ZNF624: variants seen among roughly 807,000 people sequenced by gnomAD.
The protein encoded by ZNF624 is zinc finger protein 624.
ZNF624 carries 43 observed loss-of-function variants against 74.7 expected under a neutral mutation model. The observed-to-expected ratio is 0.58, with a 90% confidence interval of 0.45 to 0.74. The LOEUF (loss-of-function observed/expected upper bound fraction) is 0.74. Among genes scored for constraint, ZNF624 ranks in the 30% least tolerant of loss-of-function variants. The pLI is 0.00. For synonymous variants in ZNF624, 331 were observed against 341.3 expected, an observed-to-expected ratio of 0.97 and a Z score of 0.33; for missense variants, 820 against 1,030.0, an observed-to-expected ratio of 0.80 and a Z score of 2.79.
intron 1 of ZNF624, among the ~76,000 whole-genome samples, chr17:16,652,909 C>T (rs1256543111): frequency 6.6e-6 from 1 of 152,218 alleles, no homozygotes; most frequent in Non-Finnish European, 1.5e-5. Flanking sequence ...TGACAGTAGC[C>T]ACCTTATATG....
At position 16,639,968 on chromosome 17, in the gene ZNF624, G is replaced by A. The variant is rs1373999386; in HGVS notation, c.154-5212C>T. Among the ~76,000 whole-genome samples the A allele has an allele frequency of 3.3e-5, 5 of 152,138 alleles. No individual in the cohort carries two copies. The East Asian group carries it at 7.7e-4, about 23-fold the overall frequency. Reference sequence around the variant, plus strand: ...TAAAGCATCAATGGAAATTACCTCCGAGGAAGTCAAGACATTGTACTTATT... The same window carrying A: ...TAAAGCATCAATGGAAATTACCTCCAAGGAAGTCAAGACATTGTACTTATT... On this transcript the variant is annotated intron_variant, in intron 3 of 5. Coordinates refer to ENST00000311331, the MANE Select transcript of ZNF624 (RefSeq NM_020787.4).
downstream of ZNF624, chr17:16,617,189 C>T (rs1429178999): frequency 6.2e-7 from 1 of 1,612,532 alleles, no homozygotes; most frequent in Admixed American, 1.7e-5. Context: ...CGTGATCGAC[C>T]TTTGCTCCGC....
At chr17:16,651,383 T>C (rs894674170) in intron 1 of ZNF624, among the ~76,000 whole-genome samples, 1 of 150,826 alleles carries the variant, frequency 6.6e-6, no homozygotes, top group African/African-American at 2.4e-5. Context: ...TGAGCAGAGA[T>C]TGTGTCACTG....
downstream of ZNF624, among the ~76,000 whole-genome samples, chr17:16,620,487 C>T (rs1398373184): frequency 2.0e-5 from 3 of 152,168 alleles, no homozygotes; most frequent in Non-Finnish European, 2.9e-5. Flanking sequence ...TGGTCTACAG[C>T]CTGGGCACAA....
intron 3 of ZNF624, among the ~76,000 whole-genome samples, chr17:16,641,975 A>G (rs1011320123): frequency 1.4e-4 from 22 of 152,252 alleles, no homozygotes; most frequent in African/African-American, 2.7e-4. Flanking sequence ...ACTGAAAACT[A>G]TAAAACTACA....
Position 16,624,370 on chromosome 17 carries a change from A to G in ZNF624, c.516T>C (p.Asn172=). 2.5e-6 allele frequency: 4 copies of G among 1,613,992 alleles called. No individual in the cohort carries two copies. Among genetic ancestry groups the G allele is most frequent in the Non-Finnish European group, 3.4e-6 (4 of 1,179,978 alleles). The change falls in exon 6 of 6, where the codon AAT becomes AAC. Residue 172 remains asparagine (N), a synonymous_variant. Transcript: ENST00000311331. ...DSRMEGLWKW[N]DRILRLQNNQ... is the part of the protein sequence containing the mutation. ...TATTTTGTAATCTCAATATCCTATCATTCCATTTCCATAACCCTTCCATTC... is the reference window on the plus strand; with the variant it reads ...TATTTTGTAATCTCAATATCCTATCGTTCCATTTCCATAACCCTTCCATTC...
rs747045441 is a variant in ZNF624, at chr17:16,623,175, GAGA to G, written c.1708_1710del (p.Ser570del). On this transcript the variant is annotated inframe_deletion, in exon 6 of 6. Coordinates refer to ENST00000311331, the MANE Select transcript of ZNF624 (RefSeq NM_020787.4). This position sits in a 1 kb window ranked among gnomAD's most constrained non-coding sequence, Gnocchi z 5.3. ...GTATGAATACGCTGATGTATAATTA[GAGA>G]AGAAGAACGCATGAAGGCCTTTCCA... 11 of 1,613,698 alleles carry G rather than the reference GAGA, an allele frequency of 6.8e-6. No individual in the cohort carries two copies. Among genetic ancestry groups the G allele is most frequent in the Middle Eastern group, 1.6e-4 (1 of 6,084 alleles).
At chr17:16,620,666 C>T (rs1908886463), downstream of ZNF624, 1 of 152,232 alleles carries the variant, frequency 6.6e-6, no homozygotes, top group Non-Finnish European at 1.5e-5. Context: ...CTCTCCCCCT[C>T]ATTGTATATC....
At chr17:16,640,753 G>A (rs1461708618) in intron 3 of ZNF624, among the ~76,000 whole-genome samples, 1 of 152,108 alleles carries the variant, frequency 6.6e-6, no homozygotes, top group East Asian at 1.9e-4. Flanking sequence ...AAAAGCCTAG[G>A]TTCAAATGGT....
intron 3 of ZNF624, among the ~76,000 whole-genome samples, chr17:16,645,349 T>G (rs1449354056): frequency 1.3e-5 from 2 of 152,100 alleles, no homozygotes; most frequent in African/African-American, 2.4e-5. Flanking sequence ...AAAGGCTTAT[T>G]ATCTCCTCTT....
downstream of ZNF624, chr17:16,617,206 G>C (rs925325694): frequency 8.1e-6 from 13 of 1,612,528 alleles, no homozygotes; most frequent in African/African-American, 1.7e-4. Flanking sequence ...CCGCGACCTG[G>C]AACGGGAGCG....
chr17:16,630,539 G>A (rs566957358), intron 5 of ZNF624, among the ~76,000 whole-genome samples: 42 of 152,116 alleles, frequency 2.8e-4, no homozygotes, highest in African/African-American at 7.7e-4. Context: ...CCTGGGCGAC[G>A]AGAGTGAAAC....
chr17:16,631,523 C>T (rs779993784), intron 5 of ZNF624: 3 of 151,854 alleles, frequency 2.0e-5, no homozygotes, highest in Non-Finnish European at 4.4e-5. Flanking sequence ...CCCAGGAGTT[C>T]GAGAACAGCT....
chr17:16,641,932 G>A (rs1031502939), intron 3 of ZNF624, among the ~76,000 whole-genome samples: 6 of 152,124 alleles, frequency 3.9e-5, no homozygotes, highest in African/African-American at 1.4e-4. Context: ...ACACAGGAAT[G>A]AAGTTTTAAC....
At chr17:16,635,626 G>T (rs772837951) in intron 3 of ZNF624, among the ~76,000 whole-genome samples, 1 of 151,994 alleles carries the variant, frequency 6.6e-6, no homozygotes, top group Non-Finnish European at 1.5e-5. Context: ...AAAAATAACT[G>T]CAAAATAAAA....
chr17:16,629,892 T>C (rs976311735), intron 5 of ZNF624, among the ~76,000 whole-genome samples: 4 of 152,180 alleles, frequency 2.6e-5, no homozygotes, highest in Non-Finnish European at 5.9e-5. Context: ...TTGAAAAATA[T>C]ATTAAAAGAA....
intron 3 of ZNF624, among the ~76,000 whole-genome samples, chr17:16,638,533 T>TA (rs902397360): frequency 6.6e-6 from 1 of 152,050 alleles, no homozygotes; most frequent in African/African-American, 2.4e-5. Context: ...TATGCAGCCA[T>TA]AAAAAATGAA....
At chr17:16,649,796 A>G in intron 1 of ZNF624, 50 bp from the exon 2 acceptor site, 1 of 1,472,094 alleles carries the variant, frequency 6.8e-7, no homozygotes, top group Non-Finnish European at 9.5e-7. Flanking sequence ...GGGGAATTTC[A>G]GACTCACCAA....
chr17:16,623,848 TG>T lies in ZNF624; in HGVS notation c.1037del (p.Ser346TyrfsTer146). ...TGTGAATTCTCTGATGTACCATAAG[TG>T]ATGAAGAAGCAATGAAGGCCTTTCC... is the stretch of plus-strand genomic sequence containing the variant. ...ECGKAFIASS[S>X]LMVHQRIHTK... On this transcript the variant is annotated frameshift_variant, in exon 6 of 6. Coordinates refer to ENST00000311331, the MANE Select transcript of ZNF624 (RefSeq NM_020787.4). LOFTEE classifies it high-confidence loss of function. This position sits in a 1 kb window ranked among gnomAD's most constrained non-coding sequence, Gnocchi z 5.3. 6.2e-7 allele frequency: 1 copy of T among 1,613,814 alleles called. No homozygotes were observed. Among genetic ancestry groups the T allele is most frequent in the Non-Finnish European group, 8.5e-7 (1 of 1,179,944 alleles).
Sources: gnomAD v4.1 joint callset for allele counts (sites outside exome capture counted in the v4.1 genomes callset) on GRCh38, gnomAD v4.1.1 for gene constraint, Gnocchi (gnomAD v3.1) non-coding constraint, MANE v1.5 for transcripts, NCBI Gene and HGNC (gene_info 2026-07-23, HGNC 2026-07-21) for gene names.